Variants in ADAMTS17 observed in about 807,000 individuals in gnomAD.
The protein encoded by ADAMTS17 is ADAM metallopeptidase with thrombospondin type 1 motif 17, also known as A disintegrin and metalloproteinase with thrombospondin motifs 17.
In ADAMTS17, 113 loss-of-function variants were observed where a neutral mutation model predicts 141.5. The observed-to-expected ratio is 0.80, with a 90% CI of 0.69 to 0.93. The LOEUF (loss-of-function observed/expected upper bound fraction) is 0.93. Ranked by LOEUF, ADAMTS17 falls within the 40% of genes least tolerant of loss-of-function variation. The pLI is 0.00. For synonymous variants in ADAMTS17, 768 were observed against 630.6 expected, an observed-to-expected ratio of 1.22 and a Z score of -3.27; for missense variants, 1,659 against 1,517.9, an observed-to-expected ratio of 1.09 and a Z score of -1.54.
At chr15:100,277,253 GT>G (rs1025766767) in intron 4 of ADAMTS17, among the ~76,000 whole-genome samples, 2 of 152,032 alleles carry the variant, frequency 1.3e-5, no homozygotes, top group Admixed American at 1.3e-4. Context: ...AGCCACCAGT[GT>G]CTTAGTACAA....
At chr15:100,072,600 C>T (rs1274512028) in intron 15 of ADAMTS17, among the ~76,000 whole-genome samples, 1 of 152,134 alleles carries the variant, frequency 6.6e-6, no homozygotes, top group Non-Finnish European at 1.5e-5. Flanking sequence ...AGAAATAATA[C>T]TGCACATCTA....
At chr15:100,135,747 T>G (rs2038297874) in intron 10 of ADAMTS17, among the ~76,000 whole-genome samples, 1 of 152,064 alleles carries the variant, frequency 6.6e-6, no homozygotes, top group African/African-American at 2.4e-5. Context: ...AAAGACCCAG[T>G]AGAAAAATGG....
chr15:100,093,901 C>G (rs766778716), intron 15 of ADAMTS17, among the ~76,000 whole-genome samples: 2 of 151,858 alleles, frequency 1.3e-5, no homozygotes, highest in Admixed American at 6.6e-5. Flanking sequence ...TGGGGGTAAC[C>G]ATTTGTATCT....
intron 18 of ADAMTS17, among the ~76,000 whole-genome samples, chr15:100,004,695 A>G (rs2061003765): frequency 1.4e-5 from 2 of 143,320 alleles, no homozygotes; most frequent in South Asian, 4.3e-4. Flanking sequence ...ATCTCGGCGC[A>G]CTGCAGCCTC....
At chr15:100,180,396 T>A (rs1413843465) in intron 8 of ADAMTS17, among the ~76,000 whole-genome samples, 1 of 152,212 alleles carries the variant, frequency 6.6e-6, no homozygotes. Flanking sequence ...TAAATGCCAA[T>A]ACCCATGCCA....
chr15:100,281,481 G>A, intron 3 of ADAMTS17, 80 bp from the exon 4 acceptor site: 1 of 1,531,712 alleles, frequency 6.5e-7, no homozygotes, highest in South Asian at 1.2e-5. Context: ...CTTCTGTCAA[G>A]CCTGCCCGAG....
At chr15:100,199,471 T>G in intron 7 of ADAMTS17, 48 bp from the exon 8 acceptor site, 1 of 1,543,406 alleles carries the variant, frequency 6.5e-7, no homozygotes, top group Non-Finnish European at 9.0e-7. Context: ...TGGGAGGCCC[T>G]GGTCTCACCG....
intron 8 of ADAMTS17, among the ~76,000 whole-genome samples, chr15:100,168,185 A>G (rs57623076): frequency 0.021 from 3,186 of 152,058 alleles, 130 homozygotes; most frequent in East Asian, 0.17. Context: ...GGCTCCATTC[A>G]CCTCTCCTGG....
intron 10 of ADAMTS17, among the ~76,000 whole-genome samples, chr15:100,139,698 T>C (rs1302488030): frequency 1.3e-5 from 2 of 152,154 alleles, no homozygotes; most frequent in Non-Finnish European, 2.9e-5. Context: ...TCCTTCCCAA[T>C]AACGCGGAAC....
rs1246936112 is a variant in ADAMTS17, at chr15:100,281,329, C to T, written c.689G>A (p.Ser230Asn). ...CACCAGGGTCTCCACCGTGTGCTCGCTGGTGAGCCGGATAGCGTTCCTCCG... is the reference window on the plus strand; with the variant it reads ...CACCAGGGTCTCCACCGTGTGCTCGTTGGTGAGCCGGATAGCGTTCCTCCG... ...RERRNAIRLT[S>N]EHTVETLVVA... The change falls in exon 4 of 22, where the codon AGC (serine) becomes AAC (asparagine). Residue 230 changes from serine to asparagine, a missense_variant. Coordinates refer to ENST00000268070, the MANE Select transcript of ADAMTS17 (RefSeq NM_139057.4). 3 of 1,610,670 alleles carry T rather than the reference C, an allele frequency of 1.9e-6. No homozygotes were observed. The highest frequency in any genetic ancestry group is 2.5e-6 in the Non-Finnish European group (3 of 1,179,998).
chr15:100,037,921 C>T (rs904665757), intron 18 of ADAMTS17, among the ~76,000 whole-genome samples: 3 of 151,390 alleles, frequency 2.0e-5, no homozygotes, highest in African/African-American at 7.3e-5. Flanking sequence ...TACAGACACA[C>T]ACTACCATAC....
chr15:100,162,304 A>G (rs1387002499), intron 8 of ADAMTS17, among the ~76,000 whole-genome samples: 1 of 151,228 alleles, frequency 6.6e-6, no homozygotes, highest in East Asian at 1.9e-4. Context: ...TTGTGTAGAC[A>G]TATATACGTA....
intron 6 of ADAMTS17, among the ~76,000 whole-genome samples, chr15:100,255,707 C>T (rs2043304960): frequency 6.6e-6 from 1 of 151,602 alleles, no homozygotes; most frequent in African/African-American, 2.4e-5. Context: ...AAAGCTTTGC[C>T]CCATCATCTA....
At chr15:100,226,696 G>T (rs777684832) in intron 7 of ADAMTS17, among the ~76,000 whole-genome samples, 1 of 152,206 alleles carries the variant, frequency 6.6e-6, no homozygotes, top group Non-Finnish European at 1.5e-5. Context: ...GACCTCAGAG[G>T]ATGATCTCGG....
intron 8 of ADAMTS17, among the ~76,000 whole-genome samples, chr15:100,193,613 C>T (rs929274231): frequency 4.6e-5 from 7 of 152,192 alleles, no homozygotes; most frequent in African/African-American, 1.2e-4. Flanking sequence ...GCTTCCTCCC[C>T]GAGAGTGAGC....
chr15:100,270,632 T>C (rs1427895236), intron 4 of ADAMTS17, among the ~76,000 whole-genome samples: 3 of 151,552 alleles, frequency 2.0e-5, no homozygotes, highest in Non-Finnish European at 2.9e-5. Context: ...GATCATCTCC[T>C]GCATGCGTAC....
At chr15:100,146,491 G>C (rs575697935) in intron 10 of ADAMTS17, among the ~76,000 whole-genome samples, 3 of 152,310 alleles carry the variant, frequency 2.0e-5, no homozygotes, top group South Asian at 4.1e-4. Context: ...TGTCAGCTGA[G>C]GAAGATGTAT....
chr15:100,050,800 C>G (rs2032079000), intron 17 of ADAMTS17, among the ~76,000 whole-genome samples: 2 of 152,194 alleles, frequency 1.3e-5, no homozygotes, highest in South Asian at 4.1e-4. Flanking sequence ...CTAAAATCCA[C>G]CCACCCTGTG....
At position 100,152,747 on chromosome 15, in the gene ADAMTS17, G is replaced by A. The variant is rs756452347; in HGVS notation, c.1338C>T (p.Thr446=). 6.2e-7 allele frequency: 1 copy of A among 1,614,214 alleles called. No individual in the cohort carries two copies. Among genetic ancestry groups the A allele is most frequent in the Non-Finnish European group, 8.5e-7 (1 of 1,180,044 alleles). ...LENFLKSKVS[T]CLLVTDPRSQ... is the part of the protein sequence containing the mutation. ...TTCTGGGGTCCGTGACTAGCAAGCA[G>A]GTGCTGACTTTTGACCTGAAACAGC... The change falls in exon 10 of 22, where the codon ACC becomes ACT. Residue 446 remains threonine, a synonymous_variant. Transcript: ENST00000268070.
Sources: gnomAD v4.1 joint callset for allele counts (sites outside exome capture counted in the v4.1 genomes callset) on GRCh38, gnomAD v4.1.1 for gene constraint, MANE v1.5 for transcripts, NCBI Gene and HGNC (gene_info 2026-07-23, HGNC 2026-07-21) for gene names.